The following TMOD1 variants were observed in gnomAD, a reference collection of about 807,000 sequenced individuals.
TMOD1 encodes tropomodulin-1.
In TMOD1, 17 loss-of-function variants were observed where a neutral mutation model predicts 40.6. The observed-to-expected ratio is 0.42, with a 90% CI of 0.29 to 0.63. The LOEUF (loss-of-function observed/expected upper bound fraction) is 0.63. Among genes scored for constraint, TMOD1 ranks in the 20% least tolerant of loss-of-function variants. The probability of loss-of-function intolerance (pLI) is 0.22; values close to 1 mark genes in which losing one functional copy is unlikely to be tolerated. For synonymous variants in TMOD1, 181 were observed against 175.0 expected (o/e 1.03, Z -0.27); for missense variants, 391 against 447.6 (o/e 0.87, Z 1.14).
At chr9:97,563,932 T>G in intron 5 of TMOD1, 106 bp from the exon 6 acceptor site, 6 of 981,442 alleles carry the variant, frequency 6.1e-6, no homozygotes, top group Non-Finnish European at 8.6e-6. Context: ...TGTGCAGCCC[T>G]CACGTGCCCC....
intron 7 of TMOD1, among the ~76,000 whole-genome samples, chr9:97,567,958 C>T (rs532086984): frequency 3.3e-5 from 5 of 152,278 alleles, no homozygotes; most frequent in South Asian, 2.1e-4. Context: ...CATGACGCAT[C>T]GTTTCCACCA....
intron 8 of TMOD1, among the ~76,000 whole-genome samples, chr9:97,585,960 G>A (rs1170582697): frequency 2.7e-5 from 4 of 148,618 alleles, no homozygotes; most frequent in Admixed American, 2.0e-4. Flanking sequence ...ATGTCCTCCC[G>A]TAGCTCAGAG....
intron 1 of TMOD1, among the ~76,000 whole-genome samples, chr9:97,511,569 G>T (rs1829699701): frequency 2.0e-5 from 3 of 152,118 alleles, no homozygotes; most frequent in South Asian, 4.1e-4. Flanking sequence ...GTACCCCTGG[G>T]CAGTTTTTGT....
intron 8 of TMOD1, among the ~76,000 whole-genome samples, chr9:97,586,979 G>A (rs182812563): frequency 1.3e-5 from 2 of 152,206 alleles, no homozygotes; most frequent in Non-Finnish European, 2.9e-5. Context: ...CGTTGCTCAC[G>A]CTGGGAGCTG....
At chr9:97,514,419 A>G (rs981086560) in intron 1 of TMOD1, among the ~76,000 whole-genome samples, 3 of 151,978 alleles carry the variant, frequency 2.0e-5, no homozygotes, top group Non-Finnish European at 4.4e-5. Context: ...CACCTGGCCG[A>G]AATTCTTAAT....
rs557284695 is a variant in TMOD1, at chr9:97,577,581, A to G, written c.870+8544A>G. Among the ~76,000 whole-genome samples the G allele has an allele frequency of 3.2e-4, 49 of 152,302 alleles. 1 individual carries two copies. In the South Asian group the frequency reaches 7.7e-3, roughly 24 times the overall value. ...GGTGGGTGGATCACTTGAGGTCAGG[A>G]GTTCAAGACCAGCCTGGCCAACATG... On this transcript the variant is annotated intron_variant, in intron 8 of 9. Coordinates refer to ENST00000259365, the MANE Select transcript of TMOD1 (RefSeq NM_003275.4).
At chr9:97,535,272 G>A (rs186017725) in intron 2 of TMOD1, among the ~76,000 whole-genome samples, 1 of 152,232 alleles carries the variant, frequency 6.6e-6, no homozygotes, top group Non-Finnish European at 1.5e-5. Flanking sequence ...GCTGGTCCCG[G>A]CAAGACTCAC....
intron 4 of TMOD1, among the ~76,000 whole-genome samples, chr9:97,553,659 C>T (rs1326625382): frequency 1.3e-5 from 2 of 152,188 alleles, no homozygotes; most frequent in East Asian, 3.9e-4. Context: ...GTGGGTGTAT[C>T]TCAGGGAGAG....
At position 97,600,097 on chromosome 9, in the gene TMOD1, A is replaced by AAAAC. The variant is rs1226394231; in HGVS notation, c.*401_*404dup. 6.9e-6 allele frequency: 7 copies of AAAAC among 1,013,060 alleles called. No homozygotes were observed. In the African/African-American group the frequency reaches 1.2e-4, roughly 17 times the overall value. 62.8% of individuals were successfully genotyped at this position (1,013,060 alleles called of 1,614,324 possible). A position where few individuals can be genotyped will look rare whatever the true frequency, so the allele number is the denominator to read the frequency against. ...CTTCCACATGCTTTTGAAGTATTAT[A>AAAAC]AAACACTTTATTACAAATTTGTCTT... On this transcript the variant is annotated 3_prime_UTR_variant, in exon 10 of 10. Transcript: ENST00000259365.
chr9:97,554,752 A>G (rs1390966123), intron 4 of TMOD1, among the ~76,000 whole-genome samples: 1 of 152,120 alleles, frequency 6.6e-6, no homozygotes, highest in Non-Finnish European at 1.5e-5. Flanking sequence ...GGAGGGCACC[A>G]GCACCAGCAC....
chr9:97,577,129 C>A (rs1825627149), intron 8 of TMOD1, among the ~76,000 whole-genome samples: 1 of 149,146 alleles, frequency 6.7e-6, no homozygotes. Flanking sequence ...CCATCCTGTC[C>A]CTGGCTCTGC....
In TMOD1 at chr9:97,542,177, T is replaced by G. The variant is rs116723587; in HGVS notation, c.121-4008T>G. Among the ~76,000 whole-genome samples, 1,203 of 152,338 alleles carry G rather than the reference T, an allele frequency of 7.9e-3. 15 individuals carry two copies. The highest frequency in any genetic ancestry group is 0.027 in the African/African-American group (1,123 of 41,578). ...ATAATGGGAGATCACATGCTGTTTTTGAAAACGAGTTAAAGTGGTAAACAA... is the reference window on the plus strand; with the variant it reads ...ATAATGGGAGATCACATGCTGTTTTGGAAAACGAGTTAAAGTGGTAAACAA... On this transcript the variant is annotated intron_variant, in intron 2 of 9. Transcript: ENST00000259365.
At chr9:97,518,044 C>G (rs143003107) in intron 1 of TMOD1, among the ~76,000 whole-genome samples, 2 of 152,218 alleles carry the variant, frequency 1.3e-5, no homozygotes, top group Non-Finnish European at 2.9e-5. Context: ...TCCACACGTC[C>G]GCGATGGGCC....
intron 2 of TMOD1, among the ~76,000 whole-genome samples, chr9:97,526,908 A>G (rs1056706338): frequency 5.3e-5 from 8 of 152,112 alleles, no homozygotes; most frequent in African/African-American, 1.9e-4. Context: ...ATTCCAGATA[A>G]CTCAGAATCC....
chr9:97,533,032 A>T (rs1014063696), intron 2 of TMOD1, among the ~76,000 whole-genome samples: 1 of 152,238 alleles, frequency 6.6e-6, no homozygotes, highest in Non-Finnish European at 1.5e-5. Context: ...TGTTGCCGGT[A>T]TGAGAGTGCA....
At chr9:97,506,805 G>A (rs749253834) in intron 1 of TMOD1, among the ~76,000 whole-genome samples, 27 of 152,150 alleles carry the variant, frequency 1.8e-4, no homozygotes, top group South Asian at 2.1e-4. Context: ...TTTTATATCC[G>A]TGCTTCTCTA....
intron 1 of TMOD1, 59 bp from the exon 2 acceptor site, chr9:97,524,082 T>G: frequency 7.4e-7 from 1 of 1,357,676 alleles, no homozygotes. Flanking sequence ...TGAGCCTCCA[T>G]TTGCTCTGAG....
At chr9:97,567,721 C>A (rs887614760) in intron 7 of TMOD1, among the ~76,000 whole-genome samples, 3 of 152,178 alleles carry the variant, frequency 2.0e-5, no homozygotes, top group African/African-American at 7.2e-5. Flanking sequence ...CAGAGACAGA[C>A]GCCATCATAG....
At chr9:97,518,847 G>C (rs2131217183) in intron 1 of TMOD1, among the ~76,000 whole-genome samples, 1 of 152,290 alleles carries the variant, frequency 6.6e-6, no homozygotes, top group Admixed American at 6.5e-5. Context: ...AGTGTAGAGG[G>C]AACCTGACAT....
Sources: gnomAD v4.1 joint callset for allele counts (sites outside exome capture counted in the v4.1 genomes callset) on GRCh38, gnomAD v4.1.1 for gene constraint, MANE v1.5 for transcripts, NCBI Gene and HGNC (gene_info 2026-07-23, HGNC 2026-07-21) for gene names.